Variants in JAK2 observed in about 807,000 individuals in gnomAD.
JAK2 encodes tyrosine-protein kinase JAK2.
JAK2 carries 86 observed loss-of-function variants against 139.3 expected under a neutral mutation model. That is an observed-to-expected ratio of 0.62 (90% CI 0.52 to 0.74). JAK2 has a LOEUF of 0.74. Ranked by LOEUF, JAK2 falls within the 30% of genes least tolerant of loss-of-function variation. JAK2 has a pLI of 0.00. For synonymous variants in JAK2, 490 were observed against 437.7 expected (o/e 1.12, Z -1.49); for missense variants, 1,421 against 1,360.3 (o/e 1.04, Z -0.70).
At chr9:5,010,660 T>G (rs374593566) in intron 2 of JAK2, among the ~76,000 whole-genome samples, 96 of 152,204 alleles carry the variant, frequency 6.3e-4, no homozygotes, top group Non-Finnish European at 1.2e-3. Flanking sequence ...GGAAGAAGAA[T>G]AATATTATAA....
chr9:5,088,418 C>G (rs1820297260), intron 19 of JAK2, among the ~76,000 whole-genome samples: 1 of 152,088 alleles, frequency 6.6e-6, no homozygotes, highest in African/African-American at 2.4e-5. Context: ...GCAATAATAT[C>G]CAAAATACAC....
chr9:5,077,435 A>G lies in JAK2; in HGVS notation c.1865-18A>G, dbSNP rs1437573189. ...TTTATACTTAAGCCTTATTATTATT[A>G]CTTATATTTTAATGCAGATATTCTG... On this transcript the variant is annotated intron_variant, in intron 14 of 24. Transcript: ENST00000381652. 2 of 921,182 alleles carry G rather than the reference A, an allele frequency of 2.2e-6. No homozygotes were observed. The highest frequency in any genetic ancestry group is 3.0e-6 in the Non-Finnish European group (2 of 660,388). 57.1% of individuals were successfully genotyped at this position (921,182 alleles called of 1,614,324 possible).
At position 4,987,701 on chromosome 9, in the gene JAK2, A is replaced by G. The variant is rs1820031474; in HGVS notation, c.-26+1679A>G. Reference sequence around the variant, plus strand: ...CAGTGAGCCGAGATCTCACCACTGCACTCCAGGCTGGGCAACACAGCAAGA... The same window carrying G: ...CAGTGAGCCGAGATCTCACCACTGCGCTCCAGGCTGGGCAACACAGCAAGA... On this transcript the variant is annotated intron_variant, in intron 2 of 24. Transcript: ENST00000381652. Among the ~76,000 whole-genome samples, 4 of 132,326 alleles carry G rather than the reference A, an allele frequency of 3.0e-5. No homozygotes were observed. In the South Asian group the frequency reaches 9.3e-4, roughly 31 times the overall value. The allele number at this position is 132,326 out of a possible 152,430, so 86.8% of individuals were successfully genotyped here. A position where few individuals can be genotyped will look rare whatever the true frequency, so the allele number is the denominator to read the frequency against.
intron 4 of JAK2, chr9:5,041,280 G>T: frequency 9.3e-7 from 1 of 1,079,934 alleles, no homozygotes. Context: ...CTGGCCAAGG[G>T]GTACACTGGT....
In JAK2 at chr9:5,004,046, A is replaced by T. The variant is rs577345989; in HGVS notation, c.-25-17917A>T. Among the ~76,000 whole-genome samples, 5 of 152,304 alleles carry T rather than the reference A, an allele frequency of 3.3e-5. 1 individual carries two copies. The South Asian group carries it at 1.0e-3, about 32-fold the overall frequency. On this transcript the variant is annotated intron_variant, in intron 2 of 24. Coordinates refer to ENST00000381652, the MANE Select transcript of JAK2 (RefSeq NM_004972.4). Reference sequence around the variant, plus strand: ...TACATAAAAATTGTATATATGGTGTACAACATGACATTTTGTTATATGTAT... The same window carrying T: ...TACATAAAAATTGTATATATGGTGTTCAACATGACATTTTGTTATATGTAT...
chr9:5,111,875 C>T, intron 22 of JAK2: 1 of 375,216 alleles, frequency 2.7e-6, no homozygotes, highest in Admixed American at 3.3e-5. Context: ...CGAGGGACCA[C>T]AGCCAGCAGC....
intron 4 of JAK2, among the ~76,000 whole-genome samples, chr9:5,031,624 A>G (rs942765628): frequency 2.0e-5 from 3 of 152,250 alleles, no homozygotes; most frequent in African/African-American, 7.2e-5. Context: ...TCAAACTATA[A>G]AAGTCTGAAT....
rs550545423 is a variant in JAK2 at position 5,004,291 on chromosome 9, G to A, written c.-25-17672G>A. Among the ~76,000 whole-genome samples, 4 of 152,164 alleles carry A rather than the reference G, an allele frequency of 2.6e-5. No homozygotes were observed. In the South Asian group the frequency reaches 8.3e-4, roughly 32 times the overall value. ...ACCAACGTCTCCCATTCCTCCTAAT[G>A]GGACCCTCAGCCTCTGGTAACTGCT... On this transcript the variant is annotated intron_variant, in intron 2 of 24. Transcript: ENST00000381652.
At chr9:5,080,820 G>A (rs1819637601) in intron 18 of JAK2, 137 bp downstream of exon 18, 1 of 512,216 alleles carries the variant, frequency 2.0e-6, no homozygotes, top group Non-Finnish European at 3.3e-6. Flanking sequence ...TGTTCATATG[G>A]CTTTTCATGC....
chr9:5,111,085 TG>T, intron 22 of JAK2: 1 of 1,223,278 alleles, frequency 8.2e-7, no homozygotes, highest in Non-Finnish European at 1.1e-6. Context: ...CTCAGGCTCC[TG>T]GGGCAGCGGC....
chr9:5,005,227 G>C (rs1821217768), intron 2 of JAK2, among the ~76,000 whole-genome samples: 1 of 150,380 alleles, frequency 6.6e-6, no homozygotes, highest in East Asian at 2.0e-4. Context: ...TGGGATTACA[G>C]GGTTGAGCCA....
intron 19 of JAK2, chr9:5,085,562 C>G (rs1820022321): frequency 1.4e-6 from 1 of 692,864 alleles, no homozygotes; most frequent in Non-Finnish European, 2.7e-6. Flanking sequence ...GATATAACAG[C>G]TGTATTTCCA....
intron 2 of JAK2, among the ~76,000 whole-genome samples, chr9:5,010,665 T>A (rs1398596222): frequency 6.6e-6 from 1 of 152,198 alleles, no homozygotes; most frequent in African/African-American, 2.4e-5. Context: ...AAGAATAATA[T>A]TATAATTAAT....
At chr9:5,043,019 C>G (rs1001939494) in intron 4 of JAK2, among the ~76,000 whole-genome samples, 2 of 152,228 alleles carry the variant, frequency 1.3e-5, no homozygotes, top group Admixed American at 1.3e-4. Context: ...CGCGGCTCGG[C>G]CCCTGGGCCC....
At position 5,104,849 on chromosome 9, in the gene JAK2, A is replaced by T. The variant is rs182438872; in HGVS notation, c.3059+13938A>T. On this transcript the variant is annotated intron_variant, in intron 22 of 24. Coordinates refer to ENST00000381652, the MANE Select transcript of JAK2 (RefSeq NM_004972.4). ...TAGATGCACAAAAGGTCTTTGACAA[A>T]ATTCTACAGCCCTTCATGCCAAAAA... Among the ~76,000 whole-genome samples, 679 of 152,344 alleles carry T rather than the reference A, an allele frequency of 4.5e-3. 6 individuals carry two copies. Among genetic ancestry groups the T allele is most frequent in the African/African-American group, 0.015 (638 of 41,592 alleles).
At chr9:5,006,256 A>G (rs570369114) in intron 2 of JAK2, among the ~76,000 whole-genome samples, 95 of 152,268 alleles carry the variant, frequency 6.2e-4, no homozygotes, top group East Asian at 2.3e-3. Flanking sequence ...CTTTGAAGCA[A>G]TTGTGAACGG....
At chr9:5,022,600 G>A (rs1185989543) in intron 3 of JAK2, among the ~76,000 whole-genome samples, 4 of 152,160 alleles carry the variant, frequency 2.6e-5, no homozygotes. Flanking sequence ...TTAAATGGCT[G>A]ACAAACCATC....
At chr9:5,055,515 A>G (rs1037238417) in intron 7 of JAK2, among the ~76,000 whole-genome samples, 154 bp from the exon 8 acceptor site, 3 of 152,056 alleles carry the variant, frequency 2.0e-5, no homozygotes. Context: ...TTAGGGTTAG[A>G]TTGATAGAGT....
At chr9:5,010,069 G>A (rs180941750) in intron 2 of JAK2, among the ~76,000 whole-genome samples, 1 of 152,254 alleles carries the variant, frequency 6.6e-6, no homozygotes, top group East Asian at 1.9e-4. Context: ...ATCGCACCTA[G>A]CCTATGTATG....
Sources: gnomAD v4.1 joint callset for allele counts (sites outside exome capture counted in the v4.1 genomes callset) on GRCh38, gnomAD v4.1.1 for gene constraint, MANE v1.5 for transcripts, NCBI Gene and HGNC (gene_info 2026-07-23, HGNC 2026-07-21) for gene names.